The following ERG variants were observed in gnomAD, a reference collection of about 807,000 sequenced individuals.
ERG encodes the protein transcriptional regulator ERG.
A neutral mutation model predicts 55.3 loss-of-function variants in ERG; 9 were observed. The ratio of observed to expected loss-of-function variants is 0.16; its 90% confidence interval spans 0.10 to 0.28. The LOEUF is 0.28. ERG is among the 10% of genes least tolerant of loss of function. ERG has a pLI of 1.00. For missense variants in ERG, 434 were observed against 631.6 expected (o/e 0.69, Z 3.35); for synonymous variants, 223 against 237.3 (o/e 0.94, Z 0.55).
upstream of ERG, among the ~76,000 whole-genome samples, chr21:38,503,261 C>G (rs1020741619): frequency 6.6e-6 from 1 of 152,026 alleles, no homozygotes; most frequent in African/African-American, 2.4e-5. Flanking sequence ...CTGAAAAATA[C>G]AGGCATGTTC....
At chr21:38,451,048 T>C (rs1041159444) in intron 1 of ERG, 2 of 431,306 alleles carry the variant, frequency 4.6e-6, no homozygotes, top group Admixed American at 5.1e-5. Flanking sequence ...AAGGAAGAAG[T>C]TGGATTAAGA....
chr21:38,608,380 G>T lies in ERG; in HGVS notation c.-149-23435C>A, dbSNP rs144060553. ...TTTATTAGGGATAAAGATGAGCAAA[G>T]CTTGGTAATAAGGAGCAATAATTCA... On this transcript the variant is annotated intron_variant, in intron 1 of 10. Coordinates refer to the ERG transcript ENST00000398910. 4.6e-5 allele frequency among the ~76,000 whole-genome samples: 7 copies of T among 152,254 alleles called. No homozygotes were observed. The East Asian group carries it at 1.2e-3, about 25-fold the overall frequency.
At chr21:38,573,280 C>G (rs1270580953) in intron 2 of ERG, among the ~76,000 whole-genome samples, 1 of 152,224 alleles carries the variant, frequency 6.6e-6, no homozygotes, top group African/African-American at 2.4e-5. Flanking sequence ...AAAGACCTGA[C>G]TGTCCCCCAG....
chr21:38,483,143 G>A (rs1368555221), intron 1 of ERG, among the ~76,000 whole-genome samples: 1 of 152,136 alleles, frequency 6.6e-6, no homozygotes, highest in African/African-American at 2.4e-5. Flanking sequence ...TGGGGAAATG[G>A]GGAGATGTAG....
At chr21:38,548,515 T>C (rs1427244849) in intron 2 of ERG, among the ~76,000 whole-genome samples, 2 of 150,650 alleles carry the variant, frequency 1.3e-5, no homozygotes, top group Non-Finnish European at 3.0e-5. Context: ...TGGTGCGATC[T>C]CTGCTCACTG....
At chr21:38,451,236 T>G in intron 1 of ERG, 1 of 504,066 alleles carries the variant, frequency 2.0e-6, no homozygotes, top group Non-Finnish European at 4.0e-6. Flanking sequence ...AAACGGAGAG[T>G]GCTGGGAACC....
At chr21:38,378,003 AG>A (rs561825390), downstream of ERG, among the ~76,000 whole-genome samples, 39 of 152,314 alleles carry the variant, frequency 2.6e-4, no homozygotes, top group South Asian at 8.1e-3. Flanking sequence ...CTGAGAAAAT[AG>A]GATGTATTTT....
At chr21:38,427,125 G>A (rs775017845) in intron 2 of ERG, among the ~76,000 whole-genome samples, 7 of 152,204 alleles carry the variant, frequency 4.6e-5, no homozygotes, top group Non-Finnish European at 1.0e-4. Flanking sequence ...GCTCATGCCT[G>A]TAATCTCAGC....
chr21:38,634,082 T>C lies in ERG; in HGVS notation c.-150+27576A>G, dbSNP rs572404473. Among the ~76,000 whole-genome samples the C allele has an allele frequency of 6.6e-4, 101 of 152,290 alleles. 4 individuals carry two copies. In the South Asian group the frequency reaches 0.02, roughly 30 times the overall value. On this transcript the variant is annotated intron_variant, in intron 1 of 10. Transcript: ENST00000398910. Reference sequence around the variant, plus strand: ...TAAAACCAATATGATAACTCTAAAATACATATTGTAGGAAATCAGGTTAAA... The same window carrying C: ...TAAAACCAATATGATAACTCTAAAACACATATTGTAGGAAATCAGGTTAAA...
At chr21:38,637,217 T>G (rs895281088) in intron 1 of ERG, among the ~76,000 whole-genome samples, 14 of 152,110 alleles carry the variant, frequency 9.2e-5, no homozygotes, top group African/African-American at 3.4e-4. Flanking sequence ...TGTGTGTGCA[T>G]CCCATATGTG....
intron 1 of ERG, among the ~76,000 whole-genome samples, chr21:38,584,281 CCTTAGA>C (rs2060048795): frequency 6.6e-6 from 1 of 152,190 alleles, no homozygotes; most frequent in African/African-American, 2.4e-5. Context: ...CATGGGCATG[CCTTAGA>C]GAGAGGGAGC....
chr21:38,391,329 T>C (rs891799865), intron 8 of ERG, among the ~76,000 whole-genome samples: 1 of 152,166 alleles, frequency 6.6e-6, no homozygotes, highest in Admixed American at 6.5e-5. Flanking sequence ...AGGGCAAACA[T>C]GTGCCAAGCC....
At position 38,384,717 on chromosome 21, in the gene ERG, C is replaced by A. The variant is rs116932857; in HGVS notation, c.920-794G>T. Among the ~76,000 whole-genome samples the A allele has an allele frequency of 1.3e-3, 201 of 151,706 alleles. 2 individuals carry two copies. Among genetic ancestry groups the A allele is most frequent in the Admixed American group, 3.1e-3 (47 of 15,234 alleles). On this transcript the variant is annotated intron_variant, in intron 9 of 9. Coordinates refer to ENST00000288319, the MANE Select transcript of ERG (RefSeq NM_182918.4). ...CTTCTAAAAGTTTATGGAAAAAAATCGAGAATGGAAGTAAACACCATTATT... is the reference window on the plus strand; with the variant it reads ...CTTCTAAAAGTTTATGGAAAAAAATAGAGAATGGAAGTAAACACCATTATT...
chr21:38,414,723 T>A (rs971342767), intron 3 of ERG, among the ~76,000 whole-genome samples: 1 of 152,180 alleles, frequency 6.6e-6, no homozygotes, highest in African/African-American at 2.4e-5. Flanking sequence ...TCAAGGACTT[T>A]CCATCCTGAG....
chr21:38,486,715 ATTG>A (rs1410764354), intron 1 of ERG, among the ~76,000 whole-genome samples: 8 of 152,154 alleles, frequency 5.3e-5, no homozygotes, highest in Non-Finnish European at 1.2e-4. Flanking sequence ...CATTATTATT[ATTG>A]TTGTTATTAT....
At chr21:38,409,142 C>T (rs546632914) in intron 3 of ERG, among the ~76,000 whole-genome samples, 1 of 152,214 alleles carries the variant, frequency 6.6e-6, no homozygotes, top group Admixed American at 6.5e-5. Flanking sequence ...ACACTAAGGA[C>T]CCACTGAGAG....
intron 1 of ERG, among the ~76,000 whole-genome samples, chr21:38,630,611 T>A (rs462317): frequency 0.17 from 26,154 of 152,228 alleles, 2,907 homozygotes; most frequent in East Asian, 0.35. Flanking sequence ...TGGGCAATGT[T>A]GACTTTGTTC....
chr21:38,383,029 A>G lies in ERG; in HGVS notation c.*374T>C, dbSNP rs1987518963. 1.0e-5 allele frequency: 11 copies of G among 1,082,436 alleles called. No individual in the cohort carries two copies. The highest frequency in any genetic ancestry group is 1.2e-5 in the Non-Finnish European group (11 of 891,446). The allele number at this position is 1,082,436 out of a possible 1,614,324, so 67.1% of individuals were successfully genotyped here. A position where few individuals can be genotyped will look rare whatever the true frequency, so the allele number is the denominator to read the frequency against. ...GTTAGGTCAAAACTGTGTTGTTTCTATTGCTTTAGTTTCATCCCAGTTTGC... is the reference window on the plus strand; with the variant it reads ...GTTAGGTCAAAACTGTGTTGTTTCTGTTGCTTTAGTTTCATCCCAGTTTGC... On this transcript the variant is annotated 3_prime_UTR_variant, in exon 10 of 10. Transcript: ENST00000288319. This position sits in a 1 kb window ranked among gnomAD's most constrained non-coding sequence, Gnocchi z 5.7.
intron 1 of ERG, among the ~76,000 whole-genome samples, chr21:38,466,690 C>T (rs2059093844): frequency 6.6e-6 from 1 of 152,172 alleles, no homozygotes; most frequent in South Asian, 2.1e-4. Flanking sequence ...CAGGCACAGT[C>T]TCATGTATGC....
Sources: allele counts gnomAD v4.1 joint callset (sites outside exome capture counted in the v4.1 genomes callset), GRCh38; gene constraint gnomAD v4.1.1; non-coding constraint Gnocchi (gnomAD v3.1); transcripts MANE v1.5; gene names NCBI Gene and HGNC (gene_info 2026-07-23, HGNC 2026-07-21).